The following TMEM266 variants were observed in gnomAD, a reference collection of about 807,000 sequenced individuals.
TMEM266 encodes transmembrane protein 266.
TMEM266 carries 33 observed loss-of-function variants against 50.5 expected under a neutral mutation model. That is an observed-to-expected ratio of 0.65 (90% CI 0.50 to 0.87). The LOEUF is 0.87. TMEM266 is among the 40% of genes least tolerant of loss of function. The pLI, the probability that TMEM266 is intolerant of heterozygous loss-of-function variation, is 0.00. For synonymous variants in TMEM266, 310 were observed against 292.3 expected (o/e 1.06, Z -0.62); for missense variants, 655 against 695.1 (o/e 0.94, Z 0.65).
chr15:76,191,895 C>A (rs1162518261), intron 8 of TMEM266, 73 bp from the exon 9 acceptor site: 8 of 1,380,014 alleles, frequency 5.8e-6, no homozygotes, highest in Non-Finnish European at 6.7e-6. Context: ...AGGAGCAAAG[C>A]GCCCAGAGGT....
intron 1 of TMEM266, among the ~76,000 whole-genome samples, chr15:76,068,761 A>G (rs961757115): frequency 3.3e-5 from 5 of 152,204 alleles, no homozygotes; most frequent in Admixed American, 2.0e-4. Flanking sequence ...CCAGAACTGT[A>G]AGAAAATAAC....
intron 3 of TMEM266, among the ~76,000 whole-genome samples, chr15:76,154,251 G>A (rs2037888265): frequency 6.6e-6 from 1 of 152,182 alleles, no homozygotes; most frequent in African/African-American, 2.4e-5. Context: ...CTAGAAAATT[G>A]CTCATTGTTT....
At chr15:76,121,393 C>T (rs945072241) in intron 1 of TMEM266, among the ~76,000 whole-genome samples, 4 of 151,946 alleles carry the variant, frequency 2.6e-5, no homozygotes, top group African/African-American at 9.7e-5. Context: ...GTGGGCTTAA[C>T]AAAACAAGCC....
intron 1 of TMEM266, among the ~76,000 whole-genome samples, chr15:76,098,880 G>T (rs1055376825): frequency 6.6e-6 from 1 of 152,114 alleles, no homozygotes; most frequent in African/African-American, 2.4e-5. Context: ...CACTGTGAGC[G>T]TGAAACTGCC....
chr15:76,106,498 G>A (rs2037082479), intron 1 of TMEM266, among the ~76,000 whole-genome samples: 1 of 152,168 alleles, frequency 6.6e-6, no homozygotes, highest in African/African-American at 2.4e-5. Flanking sequence ...GGAGTGCAGT[G>A]GCGCAATCAC....
intron 1 of TMEM266, among the ~76,000 whole-genome samples, chr15:76,088,027 A>G (rs981411348): frequency 1.3e-5 from 2 of 152,138 alleles, no homozygotes; most frequent in African/African-American, 4.8e-5. Context: ...ATTTTCTCCT[A>G]GGCTTTTGTG....
At chr15:76,141,884 C>T (rs1296033987) in intron 3 of TMEM266, among the ~76,000 whole-genome samples, 1 of 152,224 alleles carries the variant, frequency 6.6e-6, no homozygotes, top group Non-Finnish European at 1.5e-5. Flanking sequence ...ATAATGTCCA[C>T]AAGGTTCATC....
intron 1 of TMEM266, among the ~76,000 whole-genome samples, chr15:76,108,639 C>T (rs1284723943): frequency 6.6e-6 from 1 of 152,062 alleles, no homozygotes; most frequent in Non-Finnish European, 1.5e-5. Context: ...AGAGCCTGGT[C>T]CATTGAACTG....
chr15:76,170,265 G>C (rs926040630), intron 6 of TMEM266, among the ~76,000 whole-genome samples: 1 of 152,234 alleles, frequency 6.6e-6, no homozygotes, highest in African/African-American at 2.4e-5. Flanking sequence ...GGGTGGGTGT[G>C]GTGGGTGGGA....
At chr15:76,102,272 A>G (rs1444520364) in intron 1 of TMEM266, among the ~76,000 whole-genome samples, 1 of 152,190 alleles carries the variant, frequency 6.6e-6, no homozygotes, top group Non-Finnish European at 1.5e-5. Flanking sequence ...CTTCCAAGTA[A>G]CTTACATTCT....
chr15:76,086,098 G>A (rs991045432), intron 1 of TMEM266, among the ~76,000 whole-genome samples: 7 of 150,420 alleles, frequency 4.7e-5, no homozygotes, highest in Non-Finnish European at 8.9e-5. Flanking sequence ...TTTTTTATAA[G>A]AGCCAAATTG....
At chr15:76,066,154 C>T (rs987420364) in intron 1 of TMEM266, among the ~76,000 whole-genome samples, 2 of 152,186 alleles carry the variant, frequency 1.3e-5, no homozygotes, top group Non-Finnish European at 2.9e-5. Flanking sequence ...GAATTTAACT[C>T]ATATCTTTTA....
chr15:76,145,456 T>A (rs1178265920), intron 3 of TMEM266, among the ~76,000 whole-genome samples: 1 of 152,196 alleles, frequency 6.6e-6, no homozygotes, highest in Non-Finnish European at 1.5e-5. Context: ...CATCACTGTC[T>A]TCTAAGAGCA....
intron 1 of TMEM266, among the ~76,000 whole-genome samples, chr15:76,067,670 GAA>G (rs977659812): frequency 5.2e-5 from 5 of 96,252 alleles, no homozygotes; most frequent in Non-Finnish European, 1.1e-4. Context: ...GAAAAGAAAA[GAA>G]AAAGTCATTC....
chr15:76,080,451 T>C (rs1008624864), intron 1 of TMEM266, among the ~76,000 whole-genome samples: 5 of 150,494 alleles, frequency 3.3e-5, no homozygotes, highest in African/African-American at 4.9e-5. Context: ...GGGGTTTCAC[T>C]ATGTTGGTCA....
chr15:76,098,937 A>G (rs953814989), intron 1 of TMEM266, among the ~76,000 whole-genome samples: 1 of 152,014 alleles, frequency 6.6e-6, no homozygotes, highest in Non-Finnish European at 1.5e-5. Flanking sequence ...CCACCAAGCT[A>G]GAGTGTCCCG....
chr15:76,138,540 G>C (rs2037627617), intron 3 of TMEM266, among the ~76,000 whole-genome samples: 1 of 152,228 alleles, frequency 6.6e-6, no homozygotes, highest in African/African-American at 2.4e-5. Flanking sequence ...CAAGGTCACA[G>C]AGCCCATAAG....
intron 1 of TMEM266, among the ~76,000 whole-genome samples, chr15:76,063,101 G>A (rs2036334231): frequency 6.6e-6 from 1 of 152,072 alleles, no homozygotes; most frequent in Admixed American, 6.5e-5. Flanking sequence ...TTCAGTTGTC[G>A]ACAGTCTTGA....
At chr15:76,110,761 A>G (rs7171315) in intron 1 of TMEM266, among the ~76,000 whole-genome samples, 64,564 of 152,092 alleles carry the variant, frequency 0.42, 14,604 homozygotes, top group Middle Eastern at 0.55. Flanking sequence ...TTATGTCCAA[A>G]ATATATAAGG....
Sources: gnomAD v4.1 joint callset for allele counts (sites outside exome capture counted in the v4.1 genomes callset) on GRCh38, gnomAD v4.1.1 for gene constraint, MANE v1.5 for transcripts, NCBI Gene and HGNC (gene_info 2026-07-23, HGNC 2026-07-21) for gene names.